TET3: variants seen among roughly 807,000 people sequenced by gnomAD.
TET3 encodes the protein tet methylcytosine dioxygenase 3.
A neutral mutation model predicts 141.4 loss-of-function variants in TET3; 19 were observed. That is an observed-to-expected ratio of 0.13 (90% confidence interval 0.09 to 0.20). The LOEUF (loss-of-function observed/expected upper bound fraction) is 0.20. TET3 is among the 10% of genes least tolerant of loss of function. TET3 has a pLI of 1.00. For missense variants in TET3, 1,874 were observed against 2,356.9 expected, an observed-to-expected ratio of 0.80 and a Z score of 4.24; for synonymous variants, 1,043 against 980.9, an observed-to-expected ratio of 1.06 and a Z score of -1.18.
chr2:74,131,254 C>T, the TET3 span, among the ~76,000 whole-genome samples: 17 of 152,332 alleles, frequency 1.1e-4, no homozygotes, highest in South Asian at 6.2e-4. Flanking sequence ...CACAACCCTT[C>T]ATTCATGACC....
intron 2 of TET3, 146 bp downstream of exon 2, chr2:73,986,852 CAT>C: frequency 1.4e-6 from 1 of 731,930 alleles, no homozygotes; most frequent in African/African-American, 1.8e-5. Flanking sequence ...GTGTAACTGA[CAT>C]GTTTGGACTC....
the TET3 span, among the ~76,000 whole-genome samples, chr2:74,129,774 T>G: frequency 6.6e-6 from 1 of 152,098 alleles, no homozygotes; most frequent in Non-Finnish European, 1.5e-5. Flanking sequence ...GTTGTTACAC[T>G]CACACTGAAT....
intron 10 of TET3, among the ~76,000 whole-genome samples, chr2:74,097,409 C>T (rs545969240): frequency 4.6e-5 from 7 of 152,236 alleles, no homozygotes; most frequent in South Asian, 4.2e-4. Context: ...TCATAAAACT[C>T]GCAAAAGAAG....
intron 3 of TET3, among the ~76,000 whole-genome samples, chr2:74,045,461 A>G (rs1281638192): frequency 6.6e-6 from 1 of 152,072 alleles, no homozygotes; most frequent in African/African-American, 2.4e-5. Context: ...ACTCAATTTC[A>G]CATCTTTGTA....
At chr2:74,115,268 G>A in the TET3 span, among the ~76,000 whole-genome samples, 6 of 152,050 alleles carry the variant, frequency 3.9e-5, no homozygotes, top group Non-Finnish European at 4.4e-5. Context: ...GCAAAAAAAC[G>A]AAACAATGCT....
chr2:74,020,611 C>T (rs904820028), intron 3 of TET3, among the ~76,000 whole-genome samples: 4 of 152,218 alleles, frequency 2.6e-5, no homozygotes, highest in African/African-American at 9.7e-5. Flanking sequence ...GTCCCTGCCC[C>T]CACTGGTCTC....
chr2:74,119,864 TGTG>T, the TET3 span, among the ~76,000 whole-genome samples: 1 of 152,232 alleles, frequency 6.6e-6, no homozygotes, highest in Non-Finnish European at 1.5e-5. Context: ...GTGTAGTAGT[TGTG>T]GTAATATGAA....
chr2:73,986,673 G>C lies in TET3; in HGVS notation c.270G>C (p.Glu90Asp). ...THQICKLRKCEVLKKKVGLLK... is the reference protein window; with the variant it reads ...THQICKLRKCDVLKKKVGLLK... ...AGATCTGCAAACTGCGAAAATGTGA[G>C]GTGCTGAAGAAAAAAGTAGGGCTTC... Residue 90 changes from glutamate (E) to aspartate (D), a missense_variant, in exon 2 of 12, where the codon GAG becomes GAC. This residue lies in a region of TET3 where 366 missense variants were observed against 487.0 expected (regional missense o/e 0.75). Coordinates refer to ENST00000409262, the MANE Select transcript of TET3 (RefSeq NM_001287491.2). 2 of 1,232,052 alleles carry C rather than the reference G, an allele frequency of 1.6e-6. No individual in the cohort carries two copies. The highest frequency in any genetic ancestry group is 2.0e-6 in the Non-Finnish European group (2 of 987,972). The allele number at this position is 1,232,052 out of a possible 1,614,324, so 76.3% of individuals were successfully genotyped here.
chr2:74,122,511 A>ATTTTTTTTTTTTT, the TET3 span: 14 of 47,552 alleles, frequency 2.9e-4, no homozygotes, highest in Non-Finnish European at 4.9e-4. Context: ...ATATATATAT[A>ATTTTTTTTTTTTT]TTTTTTTTTT....
chr2:74,013,798 C>A (rs10182376), intron 3 of TET3, among the ~76,000 whole-genome samples: 2 of 151,870 alleles, frequency 1.3e-5, no homozygotes, highest in Non-Finnish European at 2.9e-5. Context: ...GGCGACAGAG[C>A]GAGACTCCAT....
At chr2:74,044,796 T>C (rs1687528239) in intron 3 of TET3, among the ~76,000 whole-genome samples, 1 of 152,242 alleles carries the variant, frequency 6.6e-6, no homozygotes, top group Admixed American at 6.5e-5. Context: ...TACTCCTAAA[T>C]ACTTCAGTAT....
Position 74,003,163 on chromosome 2 carries a change from C to G in TET3, c.357C>G (p.Val119=). 6.5e-7 allele frequency: 1 copy of G among 1,549,656 alleles called. No individual in the cohort carries two copies. The highest frequency in any genetic ancestry group is 1.2e-5 in the South Asian group (1 of 84,038). The change falls in exon 3 of 12, where the codon GTC becomes GTG. Residue 119 remains valine (V), a synonymous_variant. Coordinates refer to ENST00000409262, the MANE Select transcript of TET3 (RefSeq NM_001287491.2). ...GGCCGTGGGGACAAGGAGCGGCTGT[C>G]AAGGTACCTTGTGTGTGTGCGTGCG... ...GAGPWGQGAA[V]KTGSELSPVD...
intron 3 of TET3, among the ~76,000 whole-genome samples, chr2:74,017,325 C>T (rs1056897775): frequency 2.0e-5 from 3 of 152,118 alleles, no homozygotes; most frequent in Admixed American, 6.5e-5. Context: ...TATAGAACAC[C>T]GCAACTTAGT....
chr2:74,074,606 C>T (rs1231424045), intron 5 of TET3, among the ~76,000 whole-genome samples: 1 of 152,230 alleles, frequency 6.6e-6, no homozygotes, highest in African/African-American at 2.4e-5. Flanking sequence ...AGGCCCAGTC[C>T]TGGCCCTGCC....
chr2:74,112,487 A>G (rs572594883), downstream of TET3, among the ~76,000 whole-genome samples: 2 of 143,528 alleles, frequency 1.4e-5, no homozygotes, highest in African/African-American at 5.3e-5. Flanking sequence ...GCAAAATTAT[A>G]CTCAAGGAAG....
chr2:73,988,349 A>C (rs1215717250), intron 2 of TET3, among the ~76,000 whole-genome samples: 1 of 151,756 alleles, frequency 6.6e-6, no homozygotes, highest in Non-Finnish European at 1.5e-5. Flanking sequence ...CCATTATCTT[A>C]CTCGGTTCCT....
At chr2:74,078,204 T>TA (rs569921948) in intron 5 of TET3, among the ~76,000 whole-genome samples, 10 of 151,674 alleles carry the variant, frequency 6.6e-5, no homozygotes, top group African/African-American at 2.2e-4. Flanking sequence ...ATTCGTTAAT[T>TA]AAAAAAAAAT....
At chr2:74,109,624 C>A (rs772585879), downstream of TET3, among the ~76,000 whole-genome samples, 1 of 152,232 alleles carries the variant, frequency 6.6e-6, no homozygotes, top group Non-Finnish European at 1.5e-5. Flanking sequence ...CGCTGAGAAG[C>A]GTTGCAGTAA....
At chr2:74,111,197 C>T (rs1691696618), downstream of TET3, among the ~76,000 whole-genome samples, 1 of 152,142 alleles carries the variant, frequency 6.6e-6, no homozygotes, top group South Asian at 2.1e-4. Flanking sequence ...CACAAATGCC[C>T]CCAAAAGAAT....
Sources: allele counts gnomAD v4.1 joint callset (sites outside exome capture counted in the v4.1 genomes callset), GRCh38; gene constraint gnomAD v4.1.1; regional missense constraint gnomAD v4.1.1; transcripts MANE v1.5; gene names NCBI Gene and HGNC (gene_info 2026-07-23, HGNC 2026-07-21).